ADGRL4: variants seen among roughly 807,000 people sequenced by gnomAD.
ADGRL4 encodes adhesion G protein-coupled receptor L4, also known as EGF, latrophilin and seven transmembrane domain containing 1.
Under a neutral mutation model 74.8 loss-of-function variants are expected in ADGRL4, and 90 were observed. The ratio of observed to expected loss-of-function variants is 1.20; its 90% CI spans 1.02 to 1.43. The LOEUF (loss-of-function observed/expected upper bound fraction) is 1.43, where lower values mean the gene tolerates loss of function less well. Among genes scored for constraint, ADGRL4 ranks in the 40% most tolerant of loss-of-function variants. ADGRL4 has a pLI of 0.00. For missense variants in ADGRL4, 881 were observed against 814.3 expected (o/e 1.08, Z -1.00); for synonymous variants, 311 against 279.2 (o/e 1.11, Z -1.14).
At chr1:78,931,053 G>C (rs1245542144) in intron 7 of ADGRL4, among the ~76,000 whole-genome samples, 1 of 151,136 alleles carries the variant, frequency 6.6e-6, no homozygotes, top group East Asian at 1.9e-4. Flanking sequence ...AGCAAGACAG[G>C]CCAACATGCA....
chr1:78,961,882 T>A (rs986597765), intron 2 of ADGRL4, among the ~76,000 whole-genome samples: 13 of 151,694 alleles, frequency 8.6e-5, no homozygotes, highest in African/African-American at 3.2e-4. Context: ...AGGCTATAAT[T>A]CTTTTTTTTT....
chr1:78,926,800 T>C (rs1649123243), intron 8 of ADGRL4, 86 bp downstream of exon 8: 3 of 948,356 alleles, frequency 3.2e-6, no homozygotes, highest in South Asian at 1.7e-5. Context: ...ACTCAAGAAC[T>C]CAGATAATTT....
rs776313549 is a variant in ADGRL4, at chr1:78,936,445, ATTACT to A, written c.761-39_761-35del. The A allele has an allele frequency of 1.1e-5, 17 of 1,510,496 alleles. No homozygotes were observed. In the African/African-American group the frequency reaches 2.3e-4, roughly 20 times the overall value. 93.6% of individuals were successfully genotyped at this position (1,510,496 alleles called of 1,614,324 possible). ...AAACCATGAAAATAAAAAAAGTGAA[ATTACT>A]TTAATCAATATACATCATAAATATA... On this transcript the variant is annotated intron_variant, in intron 6 of 14. Transcript: ENST00000370742.
In ADGRL4 at chr1:78,895,089, C is replaced by T. The variant is rs527888599; in HGVS notation, c.1750-1900G>A. Among the ~76,000 whole-genome samples, 3 of 152,004 alleles carry T rather than the reference C, an allele frequency of 2.0e-5. No homozygotes were observed. In the South Asian group the frequency reaches 6.2e-4, roughly 31 times the overall value. ...GGAAAATGTTTACATACTTATAAAA[C>T]CCAGGTGCTGCTGGGCAAGTGGGAG... is the stretch of plus-strand genomic sequence containing the variant. On this transcript the variant is annotated intron_variant, in intron 12 of 14. Transcript: ENST00000370742.
intron 7 of ADGRL4, among the ~76,000 whole-genome samples, chr1:78,932,880 G>A (rs1350950851): frequency 2.0e-5 from 3 of 151,322 alleles, no homozygotes; most frequent in Non-Finnish European, 4.4e-5. Flanking sequence ...CCAAGAAAAA[G>A]TCGAATCCCT....
chr1:78,978,828 C>G (rs1432463896), intron 2 of ADGRL4, among the ~76,000 whole-genome samples: 1 of 151,954 alleles, frequency 6.6e-6, no homozygotes, highest in East Asian at 1.9e-4. Context: ...GGAGGCAGAA[C>G]TAAAACACAA....
intron 12 of ADGRL4, among the ~76,000 whole-genome samples, chr1:78,903,658 G>T (rs550367528): frequency 6.6e-6 from 1 of 151,998 alleles, no homozygotes; most frequent in Non-Finnish European, 1.5e-5. Flanking sequence ...ACTATTGGCC[G>T]GGCGCGGTGG....
chr1:78,931,468 T>C (rs940879621), intron 7 of ADGRL4, among the ~76,000 whole-genome samples: 3 of 151,300 alleles, frequency 2.0e-5, no homozygotes, highest in African/African-American at 7.4e-5. Context: ...TTCCAGACAC[T>C]GCAAAAGCAA....
chr1:78,901,953 T>C (rs376985176), intron 12 of ADGRL4, among the ~76,000 whole-genome samples: 1 of 152,070 alleles, frequency 6.6e-6, no homozygotes, highest in Admixed American at 6.6e-5. Flanking sequence ...TCTACAATTA[T>C]GTGAAAAAAA....
chr1:78,898,364 T>A (rs1350800890), intron 12 of ADGRL4, among the ~76,000 whole-genome samples: 1 of 152,136 alleles, frequency 6.6e-6, no homozygotes. Flanking sequence ...TCAAATGAGA[T>A]GCACTTTTAC....
intron 2 of ADGRL4, among the ~76,000 whole-genome samples, chr1:78,978,328 C>T (rs1176183349): frequency 6.6e-6 from 1 of 151,938 alleles, no homozygotes; most frequent in Non-Finnish European, 1.5e-5. Flanking sequence ...ATTGTCATTA[C>T]TGAACTTTCA....
At chr1:78,921,103 C>T (rs1648989716) in intron 9 of ADGRL4, among the ~76,000 whole-genome samples, 1 of 151,370 alleles carries the variant, frequency 6.6e-6, no homozygotes, top group Non-Finnish European at 1.5e-5. Flanking sequence ...TAAGATATTA[C>T]AAAAGTAAGA....
chr1:78,985,055 G>A (rs1650466156), intron 2 of ADGRL4, among the ~76,000 whole-genome samples: 1 of 151,498 alleles, frequency 6.6e-6, no homozygotes, highest in South Asian at 2.1e-4. Context: ...AAATTTATTT[G>A]TTTTGTGGTT....
intron 2 of ADGRL4, among the ~76,000 whole-genome samples, chr1:79,000,470 C>A (rs960199251): frequency 6.6e-6 from 1 of 152,086 alleles, no homozygotes; most frequent in African/African-American, 2.4e-5. Flanking sequence ...ATCACACAGG[C>A]CCCTTTCCTT....
intron 12 of ADGRL4, among the ~76,000 whole-genome samples, chr1:78,903,856 A>G (rs1648569271): frequency 6.6e-6 from 1 of 151,818 alleles, no homozygotes; most frequent in South Asian, 2.1e-4. Flanking sequence ...GAATCCCTTG[A>G]ACCTGAGAGG....
chr1:78,895,482 T>C (rs1014159344), intron 12 of ADGRL4, among the ~76,000 whole-genome samples: 12 of 151,850 alleles, frequency 7.9e-5, no homozygotes, highest in Non-Finnish European at 1.5e-4. Context: ...CAAATTAGAA[T>C]TGTTAGGAGA....
At position 78,936,413 on chromosome 1, in the gene ADGRL4, T is replaced by G; in HGVS notation, c.761-2A>C. 1.3e-6 allele frequency: 2 copies of G among 1,565,744 alleles called. No individual in the cohort carries two copies. The highest frequency in any genetic ancestry group is 1.7e-6 in the Non-Finnish European group (2 of 1,161,620). The stretch of plus-strand genomic sequence containing the variant: ...AATCAAAAAAGAAAACTTTGAGAGC[T>G]GAAACAAAACCATGAAAATAAAAAA... On this transcript the variant is annotated splice_acceptor_variant, in intron 6 of 14. Coordinates refer to ENST00000370742, the MANE Select transcript of ADGRL4 (RefSeq NM_022159.4). LOFTEE classifies it high-confidence loss of function.
At chr1:78,899,057 T>C (rs1394527805) in intron 12 of ADGRL4, among the ~76,000 whole-genome samples, 1 of 152,182 alleles carries the variant, frequency 6.6e-6, no homozygotes, top group Non-Finnish European at 1.5e-5. Flanking sequence ...GATGAAGCCA[T>C]CTATATGATG....
intron 2 of ADGRL4, among the ~76,000 whole-genome samples, chr1:78,988,921 C>A (rs1017700890): frequency 1.3e-5 from 2 of 151,766 alleles, no homozygotes; most frequent in Non-Finnish European, 2.9e-5. Context: ...TTCTAATAAG[C>A]TTTATGCCGA....
Sources: allele counts gnomAD v4.1 joint callset (sites outside exome capture counted in the v4.1 genomes callset), GRCh38; gene constraint gnomAD v4.1.1; transcripts MANE v1.5; gene names NCBI Gene and HGNC (gene_info 2026-07-23, HGNC 2026-07-21).